Variants in FRY observed in about 807,000 individuals in gnomAD.
FRY encodes FRY microtubule binding protein, also known as protein furry homolog.
A neutral mutation model predicts 348.4 loss-of-function variants in FRY; 128 were observed. The ratio of observed to expected loss-of-function variants is 0.37; its 90% CI spans 0.32 to 0.43. The LOEUF (loss-of-function observed/expected upper bound fraction) is 0.43, where lower values mean the gene tolerates loss of function less well. Among genes scored for constraint, FRY ranks in the 20% least tolerant of loss-of-function variants. FRY has a pLI of 1.00. For synonymous variants in FRY, 1,370 were observed against 1,374.7 expected, an observed-to-expected ratio of 1.00 and a Z score of 0.08; for missense variants, 2,736 against 3,695.2, an observed-to-expected ratio of 0.74 and a Z score of 6.73.
chr13:32,071,968 C>T (rs900925511), intron 1 of FRY, among the ~76,000 whole-genome samples: 6 of 152,120 alleles, frequency 3.9e-5, no homozygotes, highest in Non-Finnish European at 5.9e-5. Context: ...CAAAAGATAA[C>T]GTCATCACAT....
chr13:32,192,085 G>C (rs1290820537), intron 28 of FRY, among the ~76,000 whole-genome samples: 1 of 152,146 alleles, frequency 6.6e-6, no homozygotes, highest in Non-Finnish European at 1.5e-5. Flanking sequence ...GTGCCCAGGG[G>C]AGGGTTCAGT....
At chr13:32,123,988 C>T (rs1220335974) in intron 4 of FRY, among the ~76,000 whole-genome samples, 1 of 152,116 alleles carries the variant, frequency 6.6e-6, no homozygotes, top group Non-Finnish European at 1.5e-5. Flanking sequence ...GCATGGGCTA[C>T]CATGCCACCT....
rs749290655 is a variant in FRY at position 32,274,520 on chromosome 13, C to T, written c.8137-322C>T. Among the ~76,000 whole-genome samples the T allele has an allele frequency of 2.0e-3, 296 of 151,674 alleles. 2 individuals carry two copies. The highest frequency in any genetic ancestry group is 4.9e-3 in the East Asian group (25 of 5,120). ...CAGATCGAGACCATCCTGGCTAACA[C>T]AGTGAAACCCCGTCTCTACTAAAAA... On this transcript the variant is annotated intron_variant, in intron 55 of 60. Transcript: ENST00000542859.
intron 1 of FRY, among the ~76,000 whole-genome samples, chr13:32,049,539 A>G (rs914807376): frequency 6.6e-6 from 1 of 152,142 alleles, no homozygotes; most frequent in Non-Finnish European, 1.5e-5. Flanking sequence ...GGTTCACGCC[A>G]TTCTCCTGCC....
chr13:32,284,504 T>C (rs1295224532), intron 58 of FRY, among the ~76,000 whole-genome samples: 5 of 152,236 alleles, frequency 3.3e-5, no homozygotes, highest in Admixed American at 3.3e-4. Context: ...CTGTTGAAGA[T>C]AGCTTACAGA....
intron 40 of FRY, among the ~76,000 whole-genome samples, chr13:32,230,593 A>G (rs1053898301): frequency 1.5e-4 from 23 of 152,146 alleles, no homozygotes; most frequent in African/African-American, 5.1e-4. Flanking sequence ...TGTCTTTGCT[A>G]TTGGGAATAG....
At position 32,135,184 on chromosome 13, in the gene FRY, GT is replaced by G; in HGVS notation, c.1077+3del. 6.4e-7 allele frequency: 1 copy of G among 1,572,928 alleles called. No homozygotes were observed. Among genetic ancestry groups the G allele is most frequent in the Non-Finnish European group, 8.8e-7 (1 of 1,142,510 alleles). On this transcript the variant is annotated splice_donor_variant, in intron 10 of 60. Coordinates refer to ENST00000542859, the MANE Select transcript of FRY (RefSeq NM_023037.3). LOFTEE classifies it high-confidence loss of function. Reference sequence around the variant, plus strand: ...TTCTTCTCGAAAGAAGCATTCCTTGGTTAGTAACTATGAGAAAATCGAAAAC... The same window carrying G: ...TTCTTCTCGAAAGAAGCATTCCTTGGTAGTAACTATGAGAAAATCGAAAAC...
In FRY at chr13:32,112,173, A is replaced by G. The variant is rs117184734; in HGVS notation, c.325-5161A>G. 7.3e-3 allele frequency among the ~76,000 whole-genome samples: 1,111 copies of G among 152,278 alleles called. 9 individuals carry two copies. Among genetic ancestry groups the G allele is most frequent in the Non-Finnish European group, 0.012 (820 of 68,012 alleles). On this transcript the variant is annotated intron_variant, in intron 3 of 60. Transcript: ENST00000542859. ...ACATTTCTTCAGCTCTGGTGAATAA[A>G]ATCCTGACAGCAAATTCTGTTACTT...
chr13:32,042,450 C>CTG (rs1872789035), intron 1 of FRY, among the ~76,000 whole-genome samples: 1 of 149,612 alleles, frequency 6.7e-6, no homozygotes, highest in African/African-American at 2.6e-5. Context: ...CTCATAAGGG[C>CTG]TGAAAGAGTA....
At chr13:32,167,988 A>G (rs982382628) in intron 17 of FRY, among the ~76,000 whole-genome samples, 1 of 152,144 alleles carries the variant, frequency 6.6e-6, no homozygotes, top group Non-Finnish European at 1.5e-5. Context: ...ATGTATCTAT[A>G]TATTGCAGTT....
In FRY at chr13:32,237,023, A is replaced by G. The variant is rs1177599449; in HGVS notation, c.5811-356A>G. 6.6e-6 allele frequency among the ~76,000 whole-genome samples: 1 copy of G among 152,152 alleles called. No homozygotes were observed. The highest frequency in any genetic ancestry group is 6.5e-5 in the Admixed American group (1 of 15,272). ...CATAATTCCCATTTCTGTTCTCCTTATCAGTCAGTTAACAGAATATTGAAG... is the reference window on the plus strand; with the variant it reads ...CATAATTCCCATTTCTGTTCTCCTTGTCAGTCAGTTAACAGAATATTGAAG... On this transcript the variant is annotated intron_variant, in intron 43 of 60. Transcript: ENST00000542859. This position sits in a 1 kb window ranked among gnomAD's most constrained non-coding sequence, Gnocchi z 6.3.
intron 58 of FRY, among the ~76,000 whole-genome samples, chr13:32,279,999 A>G (rs1183709989): frequency 6.6e-6 from 1 of 152,186 alleles, no homozygotes; most frequent in Non-Finnish European, 1.5e-5. Flanking sequence ...GCATTTCCAC[A>G]TTGCTGCCCT....
In FRY at chr13:32,208,888, G is replaced by T. The variant is rs1251091885; in HGVS notation, c.4054G>T (p.Gly1352Trp). 3 of 1,614,012 alleles carry T rather than the reference G, an allele frequency of 1.9e-6. No individual in the cohort carries two copies. In the African/African-American group the frequency reaches 4.0e-5, roughly 22 times the overall value. Residue 1352 changes from glycine (G) to tryptophan (W), a missense_variant, in exon 32 of 61, where the codon GGG becomes TGG. Gly to Trp is a radical substitution (Grantham distance 184, BLOSUM62 -2). Coordinates refer to ENST00000542859, the MANE Select transcript of FRY (RefSeq NM_023037.3). Reference protein sequence around the residue: ...SQRFPTTHPNGRQIMLTYLLP... With the variant: ...SQRFPTTHPNWRQIMLTYLLP... Reference sequence around the variant, plus strand: ...GCGATTCCCCACAACACACCCCAACGGGCGCCAGATCATGCTTACCTACCT... The same window carrying T: ...GCGATTCCCCACAACACACCCCAACTGGCGCCAGATCATGCTTACCTACCT...
intron 8 of FRY, among the ~76,000 whole-genome samples, chr13:32,134,238 C>T (rs751298804): frequency 1.3e-5 from 2 of 152,182 alleles, no homozygotes; most frequent in Non-Finnish European, 2.9e-5. Context: ...GCCAACTTTC[C>T]TACAGAATGA....
chr13:32,202,089 A>G (rs2138326756), intron 30 of FRY, 49 bp downstream of exon 30: 1 of 1,108,966 alleles, frequency 9.0e-7, no homozygotes, highest in Non-Finnish European at 1.4e-6. Context: ...GAGTACAGAA[A>G]ATAGAAATGG....
At chr13:32,179,545 CCTG>C in intron 22 of FRY, 127 bp from the exon 23 acceptor site, 1 of 316,304 alleles carries the variant, frequency 3.2e-6, no homozygotes, top group Non-Finnish European at 6.0e-6. Flanking sequence ...GTGTGTGTTT[CCTG>C]AAATGATGGC....
chr13:32,081,830 G>A (rs2138543350), intron 2 of FRY, among the ~76,000 whole-genome samples: 1 of 152,270 alleles, frequency 6.6e-6, no homozygotes, highest in Non-Finnish European at 1.5e-5. Flanking sequence ...GCAACAAGAG[G>A]TGTTATTTTT....
chr13:32,239,616 A>T lies in FRY; in HGVS notation c.6517-95A>T, dbSNP rs922485812. 3.8e-5 allele frequency: 33 copies of T among 876,868 alleles called. No homozygotes were observed. Among genetic ancestry groups the T allele is most frequent in the Non-Finnish European group, 3.7e-6 (2 of 537,958 alleles). The allele number at this position is 876,868 out of a possible 1,614,324, so 54.3% of individuals were successfully genotyped here. A position where few individuals can be genotyped will look rare whatever the true frequency, so the allele number is the denominator to read the frequency against. On this transcript the variant is annotated intron_variant, in intron 45 of 60. Coordinates refer to ENST00000542859, the MANE Select transcript of FRY (RefSeq NM_023037.3). This position sits in a 1 kb window ranked among gnomAD's most constrained non-coding sequence, Gnocchi z 4.3. Reference sequence around the variant, plus strand: ...TAATTACCAAAAAGTGTATCAATCTACTTTCCAGATGGCCAGAGCTTATAG... The same window carrying T: ...TAATTACCAAAAAGTGTATCAATCTTCTTTCCAGATGGCCAGAGCTTATAG...
intron 4 of FRY, among the ~76,000 whole-genome samples, chr13:32,122,456 A>G (rs1324931949): frequency 7.4e-6 from 1 of 135,442 alleles, no homozygotes; most frequent in Non-Finnish European, 1.6e-5. Flanking sequence ...AAAAAAAAAG[A>G]AAAAAAAAAG....
Sources: allele counts gnomAD v4.1 joint callset (sites outside exome capture counted in the v4.1 genomes callset), GRCh38; gene constraint gnomAD v4.1.1; non-coding constraint Gnocchi (gnomAD v3.1); transcripts MANE v1.5; gene names NCBI Gene and HGNC (gene_info 2026-07-23, HGNC 2026-07-21).